EBF3: variants seen among roughly 807,000 people sequenced by gnomAD.
The protein encoded by EBF3 is transcription factor COE3.
EBF3 carries 18 observed loss-of-function variants against 77.1 expected under a neutral mutation model. That is an observed-to-expected ratio of 0.23 (90% CI 0.16 to 0.35). The LOEUF is 0.35. Ranked by LOEUF, EBF3 falls within the 10% of genes least tolerant of loss-of-function variation. EBF3 has a pLI of 1.00. For missense variants in EBF3, 558 were observed against 860.0 expected (o/e 0.65, Z 4.39); for synonymous variants, 350 against 343.5 (o/e 1.02, Z -0.21).
intron 16 of EBF3, among the ~76,000 whole-genome samples, chr10:129,838,335 A>T (rs1374263824): frequency 6.6e-6 from 1 of 152,218 alleles, no homozygotes; most frequent in Non-Finnish European, 1.5e-5. Flanking sequence ...CTGTCGAGAG[A>T]GGTGACCCAG....
chr10:129,854,140 G>A (rs541122838), intron 10 of EBF3, among the ~76,000 whole-genome samples: 1 of 151,998 alleles, frequency 6.6e-6, no homozygotes, highest in South Asian at 2.1e-4. Flanking sequence ...GCAAATGCCT[G>A]CTTTTTCTCC....
Position 129,963,297 on chromosome 10 carries a change from C to G in EBF3, c.291+70G>C. 6.5e-7 allele frequency: 1 copy of G among 1,544,036 alleles called. No individual in the cohort carries two copies. Among genetic ancestry groups the G allele is most frequent in the Non-Finnish European group, 8.7e-7 (1 of 1,148,082 alleles). ...CGCCGCCTAGGGGGGCACTCGAACC[C>G]CCGCGCACCGGCACCGCCTGCCTCC... On this transcript the variant is annotated intron_variant, in intron 2 of 16. Coordinates refer to ENST00000440978, the MANE Select transcript of EBF3 (RefSeq NM_001375380.1). This position sits in a 1 kb window ranked among gnomAD's most constrained non-coding sequence, Gnocchi z 7.1.
chr10:129,881,368 T>C (rs1332580945), intron 6 of EBF3, among the ~76,000 whole-genome samples: 2 of 152,060 alleles, frequency 1.3e-5, no homozygotes, highest in African/African-American at 4.8e-5. Context: ...CCCTAAAGAG[T>C]CATCATCTTT....
Position 129,944,058 on chromosome 10 carries a change from C to A in EBF3, c.554+13200G>T, listed in dbSNP as rs1035380591. ...TTATTATCGCCTTTATGTTTTAATCCATTTTTTACACCGTGGGAAAAGAAA... is the reference window on the plus strand; with the variant it reads ...TTATTATCGCCTTTATGTTTTAATCAATTTTTTACACCGTGGGAAAAGAAA... On this transcript the variant is annotated intron_variant, in intron 6 of 16. Transcript: ENST00000440978. This position sits in a 1 kb window ranked among gnomAD's most constrained non-coding sequence, Gnocchi z 5.1. Among the ~76,000 whole-genome samples, 1 of 152,232 alleles carries A rather than the reference C, an allele frequency of 6.6e-6. No homozygotes were observed. Among genetic ancestry groups the A allele is most frequent in the Middle Eastern group, 3.4e-3 (1 of 294 alleles).
Position 129,846,108 on chromosome 10 carries a change from TTG to T in EBF3, c.1128+2282_1128+2283del, listed in dbSNP as rs10530522. Among the ~76,000 whole-genome samples the T allele has an allele frequency of 7.7e-3, 1,081 of 139,660 alleles. 9 individuals are homozygous for T. The highest frequency in any genetic ancestry group is 0.018 in the African/African-American group (676 of 38,144). 91.6% of individuals were successfully genotyped at this position (139,660 alleles called of 152,430 possible). A position where few individuals can be genotyped will look rare whatever the true frequency, so the allele number is the denominator to read the frequency against. On this transcript the variant is annotated intron_variant, in intron 11 of 16. Transcript: ENST00000440978. ...ATTGCCTTTATTTTCATTCTGGGCTTTGTGTGTGTGTGTGTGTGTGTGTGTGT... is the reference window on the plus strand; with the variant it reads ...ATTGCCTTTATTTTCATTCTGGGCTTTGTGTGTGTGTGTGTGTGTGTGTGT...
chr10:129,891,273 A>G (rs1200182172), intron 6 of EBF3, among the ~76,000 whole-genome samples: 1 of 152,198 alleles, frequency 6.6e-6, no homozygotes, highest in Non-Finnish European at 1.5e-5. Context: ...TTCCAGTTTG[A>G]TAATCATTAC....
rs1394646854 is a variant in EBF3 at position 129,935,667 on chromosome 10, C to G, written c.554+21591G>C. Among the ~76,000 whole-genome samples the G allele has an allele frequency of 6.6e-6, 1 of 152,210 alleles. No individual in the cohort carries two copies. Among genetic ancestry groups the G allele is most frequent in the Non-Finnish European group, 1.5e-5 (1 of 68,030 alleles). ...AGAGCCTGGGCGTCCAGGGCACAGA[C>G]AGCTCTCAGCCACCATTCCTCCTAC... is the stretch of plus-strand genomic sequence containing the variant. On this transcript the variant is annotated intron_variant, in intron 6 of 16. Coordinates refer to ENST00000440978, the MANE Select transcript of EBF3 (RefSeq NM_001375380.1). The surrounding 1 kb of genome is among the most constrained non-coding windows in gnomAD (Gnocchi z 4.2).
intron 7 of EBF3, among the ~76,000 whole-genome samples, chr10:129,875,465 GGA>G (rs35715675): frequency 3.2e-4 from 49 of 152,180 alleles, no homozygotes; most frequent in Non-Finnish European, 6.5e-4. Context: ...CAAAGTGCTG[GGA>G]TGACCGGCGT....
rs1307767423 is a variant in EBF3 at position 129,873,445 on chromosome 10, T to A, written c.781+7A>T. ...CAAATAAAAAAAGACATGTAACATGTGCCTACCATTTTCCAGATAAGAAGG... is the reference window on the plus strand; with the variant it reads ...CAAATAAAAAAAGACATGTAACATGAGCCTACCATTTTCCAGATAAGAAGG... On this transcript the variant is annotated splice_region_variant and intron_variant, in intron 8 of 16. Coordinates refer to ENST00000440978, the MANE Select transcript of EBF3 (RefSeq NM_001375380.1). 1 of 1,522,316 alleles carries A rather than the reference T, an allele frequency of 6.6e-7. No homozygotes were observed. Among genetic ancestry groups the A allele is most frequent in the Non-Finnish European group, 8.8e-7 (1 of 1,132,952 alleles). 94.3% of individuals were successfully genotyped at this position (1,522,316 alleles called of 1,614,324 possible).
intron 6 of EBF3, among the ~76,000 whole-genome samples, chr10:129,929,149 G>A (rs555337029): frequency 3.9e-4 from 60 of 152,246 alleles, no homozygotes; most frequent in African/African-American, 1.3e-3. Context: ...GGACATATCC[G>A]ATGCTATGTC....
In EBF3 at chr10:129,947,615, T is replaced by C. The variant is rs1219023624; in HGVS notation, c.554+9643A>G. On this transcript the variant is annotated intron_variant, in intron 6 of 16. Transcript: ENST00000440978. The surrounding 1 kb of genome is among the most constrained non-coding windows in gnomAD (Gnocchi z 4.5). ...CCTTATAATAAGTGAAATTGAGCAA[T>C]GCCACTTAAATTCTGAATATAAAGT... 6.6e-6 allele frequency among the ~76,000 whole-genome samples: 1 copy of C among 151,508 alleles called. No individual in the cohort carries two copies. Among genetic ancestry groups the C allele is most frequent in the Non-Finnish European group, 1.5e-5 (1 of 67,984 alleles).
At position 129,848,787 on chromosome 10, in the gene EBF3, T is replaced by C. The variant is rs1850651071; in HGVS notation, c.1040-307A>G. On this transcript the variant is annotated intron_variant, in intron 10 of 16. Coordinates refer to ENST00000440978, the MANE Select transcript of EBF3 (RefSeq NM_001375380.1). This position sits in a 1 kb window ranked among gnomAD's most constrained non-coding sequence, Gnocchi z 4.4. The stretch of plus-strand genomic sequence containing the variant: ...GGGCCATATGTAGCAATCACCACCA[T>C]CACGATGTGATGTCTGCATCACACG... Among the ~76,000 whole-genome samples the C allele has an allele frequency of 6.6e-6, 1 of 152,198 alleles. No individual in the cohort carries two copies. Among genetic ancestry groups the C allele is most frequent in the Admixed American group, 6.5e-5 (1 of 15,284 alleles).
Position 129,879,472 on chromosome 10 carries a change from C to T in EBF3, c.555-1623G>A, listed in dbSNP as rs1853042761. 6.6e-6 allele frequency among the ~76,000 whole-genome samples: 1 copy of T among 152,188 alleles called. No individual in the cohort carries two copies. Among genetic ancestry groups the T allele is most frequent in the Non-Finnish European group, 1.5e-5 (1 of 68,034 alleles). ...TGAAAACACTCAACGGACCAAGACT[C>T]ATCTAAGTGCCCCCCCAGCATATCC... On this transcript the variant is annotated intron_variant, in intron 6 of 16. Transcript: ENST00000440978. The surrounding 1 kb of genome is among the most constrained non-coding windows in gnomAD (Gnocchi z 4.7).
At chr10:129,936,534 G>A (rs1469454103) in intron 6 of EBF3, among the ~76,000 whole-genome samples, 1 of 152,152 alleles carries the variant, frequency 6.6e-6, no homozygotes, top group Non-Finnish European at 1.5e-5. Flanking sequence ...AGCTGTGTGG[G>A]GAACCAGGGG....
rs1554892411 is a variant in EBF3 at position 129,841,046 on chromosome 10, C to CCCA, written c.1373-15_1373-14insTGG. 95 of 1,602,594 alleles carry CCCA rather than the reference C, an allele frequency of 5.9e-5. 5 individuals carry two copies. The South Asian group carries it at 8.6e-4, about 14-fold the overall frequency. On this transcript the variant is annotated splice_polypyrimidine_tract_variant and intron_variant, in intron 13 of 16. Coordinates refer to ENST00000440978, the MANE Select transcript of EBF3 (RefSeq NM_001375380.1). This position sits in a 1 kb window ranked among gnomAD's most constrained non-coding sequence, Gnocchi z 4.6. ...GACTGTAGCCGACTGTTGAAATCCCCCCCCCGGCCAAAAATAACATTATTA... is the reference window on the plus strand; with the variant it reads ...GACTGTAGCCGACTGTTGAAATCCCCCCACCCCCGGCCAAAAATAACATTATTA...
At chr10:129,905,901 G>A (rs61874504) in intron 6 of EBF3, among the ~76,000 whole-genome samples, 5 of 152,168 alleles carry the variant, frequency 3.3e-5, no homozygotes, top group African/African-American at 1.2e-4. Flanking sequence ...ATTCTACAGC[G>A]ATTCCAAAAG....
intron 6 of EBF3, among the ~76,000 whole-genome samples, chr10:129,904,637 T>C (rs1855009778): frequency 6.6e-6 from 1 of 151,542 alleles, no homozygotes; most frequent in Admixed American, 6.6e-5. Flanking sequence ...AATGGATGGA[T>C]GGATGGATGG....
intron 6 of EBF3, among the ~76,000 whole-genome samples, chr10:129,894,647 G>C (rs1259479528): frequency 6.6e-6 from 1 of 152,196 alleles, no homozygotes; most frequent in Non-Finnish European, 1.5e-5. Flanking sequence ...CAGCTCCCCA[G>C]GTTGCAGCAG....
chr10:129,960,620 T>C (rs960483195), intron 4 of EBF3, among the ~76,000 whole-genome samples: 1 of 139,268 alleles, frequency 7.2e-6, no homozygotes, highest in Non-Finnish European at 1.5e-5. Flanking sequence ...TACTGGGCTA[T>C]TTCTTTCCTT....
Sources: gnomAD v4.1 joint callset for allele counts (sites outside exome capture counted in the v4.1 genomes callset) on GRCh38, gnomAD v4.1.1 for gene constraint, Gnocchi (gnomAD v3.1) non-coding constraint, MANE v1.5 for transcripts, NCBI Gene and HGNC (gene_info 2026-07-23, HGNC 2026-07-21) for gene names.